Variants in EPAS1 observed in about 807,000 individuals in gnomAD.
EPAS1 encodes endothelial PAS domain-containing protein 1.
EPAS1 carries 23 observed loss-of-function variants against 87.9 expected under a neutral mutation model. That is an observed-to-expected ratio of 0.26 (90% CI 0.19 to 0.37). The LOEUF (loss-of-function observed/expected upper bound fraction) is 0.37, where lower values mean the gene tolerates loss of function less well. Among genes scored for constraint, EPAS1 ranks in the 10% least tolerant of loss-of-function variants. The pLI is 1.00. For synonymous variants in EPAS1, 508 were observed against 444.3 expected (o/e 1.14, Z -1.80); for missense variants, 1,138 against 1,120.7 (o/e 1.02, Z -0.22).
chr2:46,304,150 G>T (rs1433447094), intron 1 of EPAS1, among the ~76,000 whole-genome samples: 1 of 152,202 alleles, frequency 6.6e-6, no homozygotes, highest in African/African-American at 2.4e-5. Context: ...GGTCTTAATA[G>T]AAATTATATT....
At position 46,321,606 on chromosome 2, in the gene EPAS1, C is replaced by T. The variant is rs1683455296; in HGVS notation, c.26+23669C>T. On this transcript the variant is annotated intron_variant, in intron 1 of 15. Transcript: ENST00000263734. ...CATCCTAGTGGGTGTGAAGTGGTAT[C>T]TCATTGTGGCTTTGATTTACATTTT... 2.6e-5 allele frequency among the ~76,000 whole-genome samples: 4 copies of T among 152,108 alleles called. No individual in the cohort carries two copies. The South Asian group carries it at 6.2e-4, about 24-fold the overall frequency.
rs35795449 is a variant in EPAS1, at chr2:46,384,558, C to G, written c.2511C>G (p.Pro837=). Residue 837 remains proline, a synonymous_variant, in exon 16 of 16, where the codon CCC becomes CCG. Transcript: ENST00000263734. ...LGPSFESYLL[P]ELTRYDCEVN... ...CCTCATTTGAGTCCTACCTGCTGCC[C>G]GAACTGACCAGATATGACTGTGAGG... is the stretch of plus-strand genomic sequence containing the variant. The G allele has an allele frequency of 1.9e-6, 3 of 1,614,180 alleles. No individual in the cohort carries two copies. Among genetic ancestry groups the G allele is most frequent in the Non-Finnish European group, 2.5e-6 (3 of 1,180,050 alleles).
intron 1 of EPAS1, among the ~76,000 whole-genome samples, chr2:46,330,892 T>C (rs1366720884): frequency 6.6e-6 from 1 of 151,882 alleles, no homozygotes; most frequent in Non-Finnish European, 1.5e-5. Context: ...CTCTCCTTTG[T>C]CCTTAAATTC....
At chr2:46,321,337 A>G (rs1001889398) in intron 1 of EPAS1, among the ~76,000 whole-genome samples, 4 of 152,220 alleles carry the variant, frequency 2.6e-5, no homozygotes, top group African/African-American at 9.6e-5. Context: ...CATGGTGAAC[A>G]TGGTGTACAA....
Position 46,347,206 on chromosome 2 carries a change from T to A in EPAS1, c.217+143T>A. ...CCACAGAAACACCATCATGAGTGATTTATTCCTTCATGTTAAACATCTCTC... is the reference window on the plus strand; with the variant it reads ...CCACAGAAACACCATCATGAGTGATATATTCCTTCATGTTAAACATCTCTC... On this transcript the variant is annotated intron_variant, in intron 2 of 15. Coordinates refer to ENST00000263734, the MANE Select transcript of EPAS1 (RefSeq NM_001430.5). The surrounding 1 kb of genome is among the most constrained non-coding windows in gnomAD (Gnocchi z 4.2). The A allele has an allele frequency of 1.1e-6, 1 of 871,814 alleles. No homozygotes were observed. Among genetic ancestry groups the A allele is most frequent in the Non-Finnish European group, 1.9e-6 (1 of 532,880 alleles). The allele number at this position is 871,814 out of a possible 1,614,324, so 54.0% of individuals were successfully genotyped here. A position where few individuals can be genotyped will look rare whatever the true frequency, so the allele number is the denominator to read the frequency against.
rs544774523 is a variant in EPAS1 at position 46,348,000 on chromosome 2, G to A, written c.217+937G>A. 2.0e-5 allele frequency among the ~76,000 whole-genome samples: 3 copies of A among 152,276 alleles called. No individual in the cohort carries two copies. The highest frequency in any genetic ancestry group is 1.9e-4 in the East Asian group (1 of 5,178). The stretch of plus-strand genomic sequence containing the variant: ...TTTTGTGGTTGTTTTTCAGTTTTCC[G>A]GAGTAAGCCTGGTGCCTTGGAGACG... On this transcript the variant is annotated intron_variant, in intron 2 of 15. Coordinates refer to ENST00000263734, the MANE Select transcript of EPAS1 (RefSeq NM_001430.5). This position sits in a 1 kb window ranked among gnomAD's most constrained non-coding sequence, Gnocchi z 4.2.
chr2:46,371,453 C>T lies in EPAS1; in HGVS notation c.886+1520C>T, dbSNP rs1386685951. ...TATCTCAGAGAAGTTTCTCACTGTGCTCTCTGGCAAAACACACACGCGCAC... is the reference window on the plus strand; with the variant it reads ...TATCTCAGAGAAGTTTCTCACTGTGTTCTCTGGCAAAACACACACGCGCAC... On this transcript the variant is annotated intron_variant, in intron 7 of 15. Transcript: ENST00000263734. The surrounding 1 kb of genome is among the most constrained non-coding windows in gnomAD (Gnocchi z 4.3). Among the ~76,000 whole-genome samples, 3 of 152,102 alleles carry T rather than the reference C, an allele frequency of 2.0e-5. No homozygotes were observed. Among genetic ancestry groups the T allele is most frequent in the Non-Finnish European group, 4.4e-5 (3 of 68,020 alleles).
At chr2:46,308,479 A>C (rs1683151694) in intron 1 of EPAS1, among the ~76,000 whole-genome samples, 1 of 147,094 alleles carries the variant, frequency 6.8e-6, no homozygotes, top group African/African-American at 2.5e-5. Flanking sequence ...GGGCTCTGAA[A>C]TCATGCTTAG....
At chr2:46,378,849 C>T in intron 11 of EPAS1, 82 bp downstream of exon 11, 2 of 1,297,848 alleles carry the variant, frequency 1.5e-6, no homozygotes, top group Admixed American at 1.7e-5. Flanking sequence ...CTTGTAGCCT[C>T]ATCCCTTTGT....
rs1682968731 is a variant in EPAS1, at chr2:46,300,142, C to T, written c.26+2205C>T. On this transcript the variant is annotated intron_variant, in intron 1 of 15. Transcript: ENST00000263734. This position sits in a 1 kb window ranked among gnomAD's most constrained non-coding sequence, Gnocchi z 4.1. Reference sequence around the variant, plus strand: ...TACTTTTCGTGCCTGGGTCTGTTTGCTGGCTGCAGGCTTCTTTAGGGACCA... The same window carrying T: ...TACTTTTCGTGCCTGGGTCTGTTTGTTGGCTGCAGGCTTCTTTAGGGACCA... Among the ~76,000 whole-genome samples, 1 of 152,218 alleles carries T rather than the reference C, an allele frequency of 6.6e-6. No homozygotes were observed. Among genetic ancestry groups the T allele is most frequent in the African/African-American group, 2.4e-5 (1 of 41,458 alleles).
intron 6 of EPAS1, 47 bp downstream of exon 6, chr2:46,361,137 C>T (rs749018374): frequency 1.9e-6 from 3 of 1,591,254 alleles, no homozygotes; most frequent in South Asian, 2.2e-5. Flanking sequence ...TGGGTCTTAC[C>T]TGTGTGTGTG....
chr2:46,370,732 G>A (rs775206669), intron 7 of EPAS1, among the ~76,000 whole-genome samples: 9 of 152,194 alleles, frequency 5.9e-5, no homozygotes, highest in African/African-American at 1.4e-4. Context: ...CACTTGGCTT[G>A]TAGCTACCAT....
intron 6 of EPAS1, 113 bp downstream of exon 6, chr2:46,361,203 G>T: frequency 1.7e-6 from 2 of 1,164,394 alleles, no homozygotes; most frequent in Non-Finnish European, 2.5e-6. Flanking sequence ...GTATTGCCGG[G>T]TGCATGTTCG....
At position 46,376,896 on chromosome 2, in the gene EPAS1, G is replaced by A. The variant is rs1168133554; in HGVS notation, c.1249+143G>A. ...CAAGTCTTGTTAATCACCTGTTAGA[G>A]GCCAGGCCCTGCTGAGCACAAAAGA... On this transcript the variant is annotated intron_variant, in intron 9 of 15. Transcript: ENST00000263734. The A allele has an allele frequency of 4.6e-5, 38 of 826,582 alleles. No individual in the cohort carries two copies. The East Asian group carries it at 9.8e-4, about 21-fold the overall frequency. The allele number at this position is 826,582 out of a possible 1,614,324, so 51.2% of individuals were successfully genotyped here.
chr2:46,300,743 G>A lies in EPAS1; in HGVS notation c.26+2806G>A, dbSNP rs1459834955. 6.6e-6 allele frequency among the ~76,000 whole-genome samples: 1 copy of A among 152,166 alleles called. No homozygotes were observed. Among genetic ancestry groups the A allele is most frequent in the Non-Finnish European group, 1.5e-5 (1 of 68,038 alleles). ...GATCCTTGGATAATCAGGGATCAAAGTCCAGTCCCAAAGCCAGACCTAGGT... is the reference window on the plus strand; with the variant it reads ...GATCCTTGGATAATCAGGGATCAAAATCCAGTCCCAAAGCCAGACCTAGGT... On this transcript the variant is annotated intron_variant, in intron 1 of 15. Coordinates refer to ENST00000263734, the MANE Select transcript of EPAS1 (RefSeq NM_001430.5). The surrounding 1 kb of genome is among the most constrained non-coding windows in gnomAD (Gnocchi z 4.1).
chr2:46,311,030 C>T (rs1383281230), intron 1 of EPAS1, among the ~76,000 whole-genome samples: 2 of 152,174 alleles, frequency 1.3e-5, no homozygotes, highest in South Asian at 2.1e-4. Flanking sequence ...GTGCCTGCCA[C>T]GATGCCCAGC....
intron 1 of EPAS1, among the ~76,000 whole-genome samples, chr2:46,317,388 A>G (rs1683364618): frequency 6.6e-6 from 1 of 152,208 alleles, no homozygotes; most frequent in Non-Finnish European, 1.5e-5. Context: ...GGGCTTCAGA[A>G]TGGATCTTGT....
At chr2:46,308,219 T>C (rs1004879996) in intron 1 of EPAS1, among the ~76,000 whole-genome samples, 3 of 152,166 alleles carry the variant, frequency 2.0e-5, no homozygotes, top group African/African-American at 4.8e-5. Context: ...TACTTTTCTA[T>C]TGTGAGCCCA....
At chr2:46,311,382 C>G (rs1683209667) in intron 1 of EPAS1, among the ~76,000 whole-genome samples, 1 of 152,132 alleles carries the variant, frequency 6.6e-6, no homozygotes, top group Non-Finnish European at 1.5e-5. Flanking sequence ...GGAAAGGAGC[C>G]TGGACTGTCA....
Sources: allele counts gnomAD v4.1 joint callset (sites outside exome capture counted in the v4.1 genomes callset), GRCh38; gene constraint gnomAD v4.1.1; non-coding constraint Gnocchi (gnomAD v3.1); transcripts MANE v1.5; gene names NCBI Gene and HGNC (gene_info 2026-07-23, HGNC 2026-07-21).